GRIK1: variants seen among roughly 807,000 people sequenced by gnomAD.
The protein encoded by GRIK1 is glutamate receptor ionotropic, kainate 1.
In GRIK1, 69 loss-of-function variants were observed where a neutral mutation model predicts 105.7. The observed-to-expected ratio is 0.65, with a 90% CI of 0.54 to 0.80. The LOEUF is 0.80. Ranked by LOEUF, GRIK1 falls within the 30% of genes least tolerant of loss-of-function variation. The pLI is 0.00. For synonymous variants in GRIK1, 438 were observed against 431.3 expected, an observed-to-expected ratio of 1.02 and a Z score of -0.19; for missense variants, 1,109 against 1,167.3, an observed-to-expected ratio of 0.95 and a Z score of 0.73.
intron 7 of GRIK1, among the ~76,000 whole-genome samples, chr21:29,600,174 G>C (rs2061493213): frequency 6.6e-6 from 1 of 152,160 alleles, no homozygotes; most frequent in South Asian, 2.1e-4. Context: ...AACTCACCTG[G>C]ATAATTTCCC....
intron 5 of GRIK1, among the ~76,000 whole-genome samples, chr21:29,654,359 T>C (rs1057081337): frequency 1.3e-5 from 2 of 152,172 alleles, no homozygotes; most frequent in Non-Finnish European, 2.9e-5. Flanking sequence ...AAACTCCCCT[T>C]TCTGAAGGTT....
intron 1 of GRIK1, among the ~76,000 whole-genome samples, chr21:29,837,628 G>A (rs529987994): frequency 2.0e-5 from 3 of 152,250 alleles, no homozygotes; most frequent in Admixed American, 6.5e-5. Flanking sequence ...CCAAGCTTAT[G>A]AGCATATAGT....
At chr21:29,904,321 A>G (rs1055942920) in intron 1 of GRIK1, among the ~76,000 whole-genome samples, 5 of 93,188 alleles carry the variant, frequency 5.4e-5, no homozygotes, top group Non-Finnish European at 8.3e-5. Flanking sequence ...TTTTTTTGGG[A>G]AAAAAAAGGA....
chr21:29,591,681 A>G (rs1258137991), intron 9 of GRIK1, among the ~76,000 whole-genome samples: 1 of 152,174 alleles, frequency 6.6e-6, no homozygotes. Context: ...CCAAAGTAGT[A>G]TCACTAGTTT....
intron 11 of GRIK1, among the ~76,000 whole-genome samples, chr21:29,588,290 G>A (rs1181273915): frequency 6.6e-6 from 1 of 152,044 alleles, no homozygotes; most frequent in South Asian, 2.1e-4. Context: ...TATGAAAGAA[G>A]GATCCATATA....
intron 2 of GRIK1, among the ~76,000 whole-genome samples, chr21:29,691,468 A>G (rs1312708556): frequency 6.6e-6 from 1 of 152,220 alleles, no homozygotes; most frequent in Non-Finnish European, 1.5e-5. Context: ...GTTACCAGTT[A>G]TAATTAAGGG....
intron 1 of GRIK1, among the ~76,000 whole-genome samples, chr21:29,894,022 G>A (rs1001473821): frequency 1.3e-5 from 2 of 152,066 alleles, no homozygotes; most frequent in Non-Finnish European, 2.9e-5. Flanking sequence ...TCCAACAGTC[G>A]GTGGTTGTTT....
intron 1 of GRIK1, among the ~76,000 whole-genome samples, chr21:29,861,929 GT>G (rs1454901127): frequency 6.6e-6 from 1 of 152,048 alleles, no homozygotes; most frequent in Non-Finnish European, 1.5e-5. Context: ...TCCTTGTTAT[GT>G]TTTCAATTTT....
intron 3 of GRIK1, among the ~76,000 whole-genome samples, chr21:29,679,381 T>C (rs1260220620): frequency 1.3e-5 from 2 of 152,162 alleles, no homozygotes; most frequent in East Asian, 3.9e-4. Flanking sequence ...TCAAGGTTGA[T>C]GTGTTATAAA....
At chr21:29,928,302 C>A (rs942904479) in intron 1 of GRIK1, among the ~76,000 whole-genome samples, 1 of 152,172 alleles carries the variant, frequency 6.6e-6, no homozygotes, top group African/African-American at 2.4e-5. Context: ...GCTTTAAATA[C>A]CACAGCAGTA....
intron 1 of GRIK1, among the ~76,000 whole-genome samples, chr21:29,727,169 A>G (rs2146882276): frequency 6.6e-6 from 1 of 152,196 alleles, no homozygotes; most frequent in East Asian, 1.9e-4. Context: ...CAGGTGATCC[A>G]TCTGCCTCAG....
intron 1 of GRIK1, among the ~76,000 whole-genome samples, chr21:29,869,233 C>A (rs925885392): frequency 2.6e-5 from 4 of 152,162 alleles, no homozygotes. Flanking sequence ...TTCTTTATAT[C>A]CATTTTTATG....
At chr21:29,871,182 G>C (rs532225588) in intron 1 of GRIK1, among the ~76,000 whole-genome samples, 4 of 152,276 alleles carry the variant, frequency 2.6e-5, no homozygotes, top group African/African-American at 9.6e-5. Context: ...AGCTTCCAGA[G>C]GGCAGGGATT....
intron 1 of GRIK1, among the ~76,000 whole-genome samples, chr21:29,728,829 T>A (rs1314150266): frequency 6.6e-6 from 1 of 152,104 alleles, no homozygotes; most frequent in Admixed American, 6.6e-5. Flanking sequence ...ACCTAAGAGA[T>A]GGCAGCTGGT....
intron 1 of GRIK1, among the ~76,000 whole-genome samples, chr21:29,796,682 C>A (rs142075173): frequency 6.6e-6 from 1 of 152,170 alleles, no homozygotes; most frequent in African/African-American, 2.4e-5. Context: ...GGTGAGGTAG[C>A]TCACACCTGT....
intron 1 of GRIK1, among the ~76,000 whole-genome samples, chr21:29,895,946 G>A (rs1010749839): frequency 6.6e-6 from 1 of 152,018 alleles, no homozygotes; most frequent in Non-Finnish European, 1.5e-5. Flanking sequence ...TGTTTCCTTT[G>A]CTCCAGCCAC....
At position 29,752,663 on chromosome 21, in the gene GRIK1, C is replaced by CA. The variant is rs202115337; in HGVS notation, c.119-58601dup. On this transcript the variant is annotated intron_variant, in intron 1 of 17. Transcript: ENST00000327783. The stretch of plus-strand genomic sequence containing the variant: ...TAACATAGTGAGACTCATATCTCTA[C>CA]AAAAAAAAATTAAAAAAATAAAAAA... 5.8e-3 allele frequency among the ~76,000 whole-genome samples: 878 copies of CA among 150,514 alleles called. 8 individuals carry two copies. Among genetic ancestry groups the CA allele is most frequent in the Non-Finnish European group, 9.1e-3 (618 of 67,594 alleles).
At chr21:29,735,720 A>G (rs2064772438) in intron 1 of GRIK1, among the ~76,000 whole-genome samples, 1 of 151,996 alleles carries the variant, frequency 6.6e-6, no homozygotes, top group South Asian at 2.1e-4. Flanking sequence ...AATATGGCAA[A>G]ACCCCGTCTC....
intron 1 of GRIK1, among the ~76,000 whole-genome samples, chr21:29,793,898 T>G (rs1332026570): frequency 6.6e-6 from 1 of 152,234 alleles, no homozygotes; most frequent in East Asian, 1.9e-4. Context: ...TTTGTTAACC[T>G]TCTTCACAAA....
Sources: allele counts gnomAD v4.1 joint callset (sites outside exome capture counted in the v4.1 genomes callset), GRCh38; gene constraint gnomAD v4.1.1; transcripts MANE v1.5; gene names NCBI Gene and HGNC (gene_info 2026-07-23, HGNC 2026-07-21).